FRMD5: variants seen among roughly 807,000 people sequenced by gnomAD.
The protein encoded by FRMD5 is FERM domain containing 5.
Under a neutral mutation model 69.0 loss-of-function variants are expected in FRMD5, and 20 were observed. That is an observed-to-expected ratio of 0.29 (90% CI 0.20 to 0.42). The LOEUF is 0.42. FRMD5 is among the 10% of genes least tolerant of loss of function. FRMD5 has a pLI of 1.00. For missense variants in FRMD5, 595 were observed against 708.6 expected (o/e 0.84, Z 1.82); for synonymous variants, 271 against 260.1 (o/e 1.04, Z -0.40).
At position 43,873,096 on chromosome 15, in the gene FRMD5, T is replaced by A; in HGVS notation, c.*789A>T. ...CTTGAGGTTCTTCGGAAAAAAAAAA[T>A]CACGTTAAGTCTAGTTTCATTATAC... On this transcript the variant is annotated 3_prime_UTR_variant, in exon 14 of 14. Coordinates refer to ENST00000417257, the MANE Select transcript of FRMD5 (RefSeq NM_032892.5). The A allele has an allele frequency of 7.4e-7, 1 of 1,345,828 alleles. No individual in the cohort carries two copies. The highest frequency in any genetic ancestry group is 1.0e-6 in the Non-Finnish European group (1 of 977,028). The allele number at this position is 1,345,828 out of a possible 1,614,324, so 83.4% of individuals were successfully genotyped here.
At chr15:44,082,452 T>C (rs1894036400) in intron 1 of FRMD5, among the ~76,000 whole-genome samples, 1 of 152,034 alleles carries the variant, frequency 6.6e-6, no homozygotes, top group South Asian at 2.1e-4. Context: ...TGATTTCTGG[T>C]GATTTTGTCC....
At position 43,874,414 on chromosome 15, in the gene FRMD5, G is replaced by C. The variant is rs775181364; in HGVS notation, c.1184C>G (p.Thr395Ser). 6.2e-6 allele frequency: 10 copies of C among 1,614,236 alleles called. No individual in the cohort carries two copies. In the Admixed American group the frequency reaches 1.7e-4, roughly 27 times the overall value. ...AGGCAGGAAGGTGTCCCCATGGGAAGTGGAACGCACTGGTGTGGAATGGGC... is the reference window on the plus strand; with the variant it reads ...AGGCAGGAAGGTGTCCCCATGGGAACTGGAACGCACTGGTGTGGAATGGGC... ...DSAHSTPVRS[T>S]SHGDTFLPHV... The change falls in exon 14 of 14, where the codon ACT becomes AGT. Residue 395 changes from threonine to serine, a missense_variant. This residue lies in a region of FRMD5 where 245 missense variants were observed against 227.1 expected (regional missense o/e 1.08). Transcript: ENST00000417257.
chr15:43,910,195 T>G (rs1178538789), intron 4 of FRMD5, among the ~76,000 whole-genome samples: 1 of 152,188 alleles, frequency 6.6e-6, no homozygotes, highest in African/African-American at 2.4e-5. Context: ...GTTAAAAATA[T>G]GCCAGTTTCC....
At chr15:44,102,941 A>G (rs1035123446) in intron 1 of FRMD5, among the ~76,000 whole-genome samples, 3 of 152,204 alleles carry the variant, frequency 2.0e-5, no homozygotes, top group Non-Finnish European at 4.4e-5. Context: ...GGAAATTGAT[A>G]AAAGGAGATG....
chr15:44,041,965 C>A (rs914724474), intron 1 of FRMD5, among the ~76,000 whole-genome samples: 1 of 152,028 alleles, frequency 6.6e-6, no homozygotes, highest in African/African-American at 2.4e-5. Context: ...ACATGAAAAA[C>A]CCCTCAAAAA....
At chr15:44,132,171 G>A (rs547091866) in intron 1 of FRMD5, among the ~76,000 whole-genome samples, 70 of 152,240 alleles carry the variant, frequency 4.6e-4, no homozygotes, top group African/African-American at 1.6e-3. Flanking sequence ...TAATGCCACC[G>A]CTGATCTGAC....
At chr15:44,105,080 T>C (rs1375109141) in intron 1 of FRMD5, among the ~76,000 whole-genome samples, 2 of 90,858 alleles carry the variant, frequency 2.2e-5, no homozygotes, top group Non-Finnish European at 5.0e-5. Context: ...TCACTCAAAT[T>C]CTTTTCTTTT....
chr15:44,186,696 C>T (rs2447334), intron 1 of FRMD5, among the ~76,000 whole-genome samples: 16,589 of 152,232 alleles, frequency 0.11, 2,067 homozygotes, highest in African/African-American at 0.31. Flanking sequence ...GTGGAGTGTC[C>T]GTATTGTCAG....
intron 1 of FRMD5, among the ~76,000 whole-genome samples, chr15:44,116,251 T>C (rs1466302565): frequency 6.6e-6 from 1 of 150,912 alleles, no homozygotes; most frequent in East Asian, 2.0e-4. Context: ...AGGGAGAGTT[T>C]TGTTTTGTTT....
intron 1 of FRMD5, among the ~76,000 whole-genome samples, chr15:44,153,759 A>G (rs928334778): frequency 1.3e-5 from 2 of 152,224 alleles, no homozygotes; most frequent in Non-Finnish European, 2.9e-5. Context: ...ACCTGCTGTC[A>G]GGAGTTCAAG....
chr15:44,195,113 C>T lies in FRMD5; in HGVS notation c.-59G>A. 1 of 1,338,752 alleles carries T rather than the reference C, an allele frequency of 7.5e-7. No homozygotes were observed. The highest frequency in any genetic ancestry group is 1.4e-5 in the South Asian group (1 of 70,996). 82.9% of individuals were successfully genotyped at this position (1,338,752 alleles called of 1,614,324 possible). Reference sequence around the variant, plus strand: ...GCGCTGCGGACCCTGGACCAGGCGTCCCTCAGCCCGGCAGCTCCGCACCGA... The same window carrying T: ...GCGCTGCGGACCCTGGACCAGGCGTTCCTCAGCCCGGCAGCTCCGCACCGA... On this transcript the variant is annotated 5_prime_UTR_variant, in exon 1 of 14. Transcript: ENST00000417257.
intron 6 of FRMD5, among the ~76,000 whole-genome samples, chr15:43,902,689 CAAAAA>C (rs5812254): frequency 8.9e-6 from 1 of 112,834 alleles, no homozygotes. Context: ...GACCCTGTCT[CAAAAA>C]AAAAAAAAAA....
intron 2 of FRMD5, among the ~76,000 whole-genome samples, chr15:43,921,133 AG>A (rs774352788): frequency 1.3e-5 from 2 of 152,198 alleles, no homozygotes; most frequent in Non-Finnish European, 2.9e-5. Flanking sequence ...TCAGCTTCAC[AG>A]GGAGGCAAAG....
rs949853347 is a variant in FRMD5, at chr15:43,873,348, C to A, written c.*537G>T. 7 of 1,462,096 alleles carry A rather than the reference C, an allele frequency of 4.8e-6. No homozygotes were observed. Among genetic ancestry groups the A allele is most frequent in the African/African-American group, 1.4e-5 (1 of 70,068 alleles). 90.6% of individuals were successfully genotyped at this position (1,462,096 alleles called of 1,614,324 possible). Reference sequence around the variant, plus strand: ...TAAAAGTTCTGGCTGGCAAAAAAAACAAACAAAAAACTAAACAGTCCCCAT... The same window carrying A: ...TAAAAGTTCTGGCTGGCAAAAAAAAAAAACAAAAAACTAAACAGTCCCCAT... On this transcript the variant is annotated 3_prime_UTR_variant, in exon 14 of 14. Coordinates refer to ENST00000417257, the MANE Select transcript of FRMD5 (RefSeq NM_032892.5).
chr15:43,958,428 TG>T (rs1166503685), intron 1 of FRMD5, among the ~76,000 whole-genome samples: 1 of 152,184 alleles, frequency 6.6e-6, no homozygotes, highest in East Asian at 1.9e-4. Flanking sequence ...TTTGTTTTTT[TG>T]TTTTTTTGTT....
chr15:44,097,776 T>C (rs1409981172), intron 1 of FRMD5, among the ~76,000 whole-genome samples: 1 of 152,156 alleles, frequency 6.6e-6, no homozygotes, highest in Non-Finnish European at 1.5e-5. Context: ...AGAGAAACCA[T>C]GCCAAAATGT....
intron 1 of FRMD5, among the ~76,000 whole-genome samples, chr15:44,164,003 T>C (rs188569183): frequency 1.3e-4 from 20 of 152,300 alleles, no homozygotes; most frequent in Admixed American, 1.1e-3. Context: ...GGGGAAGTCT[T>C]TCAAACCTGA....
intron 1 of FRMD5, among the ~76,000 whole-genome samples, chr15:44,156,573 G>T (rs2077531904): frequency 1.3e-5 from 2 of 152,302 alleles, no homozygotes; most frequent in South Asian, 4.1e-4. Flanking sequence ...AATGTTTGAG[G>T]TTCACACATT....
chr15:44,124,700 A>G (rs1566959087), intron 1 of FRMD5, among the ~76,000 whole-genome samples: 1 of 152,014 alleles, frequency 6.6e-6, no homozygotes, highest in Admixed American at 6.6e-5. Context: ...CTTCATCTCA[A>G]AAAAACAATA....
Sources: allele counts gnomAD v4.1 joint callset (sites outside exome capture counted in the v4.1 genomes callset), GRCh38; gene constraint gnomAD v4.1.1; regional missense constraint gnomAD v4.1.1; transcripts MANE v1.5; gene names NCBI Gene and HGNC (gene_info 2026-07-23, HGNC 2026-07-21).